The following CCDC63 variants were observed in gnomAD, a reference collection of about 807,000 sequenced individuals.
The protein encoded by CCDC63 is coiled-coil domain-containing protein 63.
Under a neutral mutation model 63.6 loss-of-function variants are expected in CCDC63, and 54 were observed. The ratio of observed to expected loss-of-function variants is 0.85; its 90% CI spans 0.68 to 1.07. The LOEUF (loss-of-function observed/expected upper bound fraction) is 1.07. Ranked by LOEUF, CCDC63 falls within the 50% of genes least tolerant of loss-of-function variation. The pLI, the probability that CCDC63 is intolerant of heterozygous loss-of-function variation, is 0.00. For synonymous variants in CCDC63, 253 were observed against 266.1 expected, an observed-to-expected ratio of 0.95 and a Z score of 0.48; for missense variants, 637 against 689.6, an observed-to-expected ratio of 0.92 and a Z score of 0.86.
Position 110,907,304 on chromosome 12 carries a change from C to T in CCDC63, c.1547-27C>T, listed in dbSNP as rs1240071139. ...CAGCCCTGGGGTTGATTTCCCAGCACCTCACACAAATCTGATCTTGGTGCA... is the reference window on the plus strand; with the variant it reads ...CAGCCCTGGGGTTGATTTCCCAGCATCTCACACAAATCTGATCTTGGTGCA... On this transcript the variant is annotated intron_variant, in intron 11 of 11. Coordinates refer to ENST00000308208, the MANE Select transcript of CCDC63 (RefSeq NM_152591.3). The surrounding 1 kb of genome is among the most constrained non-coding windows in gnomAD (Gnocchi z 4.4). 2 of 1,607,628 alleles carry T rather than the reference C, an allele frequency of 1.2e-6. No individual in the cohort carries two copies. Among genetic ancestry groups the T allele is most frequent in the Admixed American group, 1.7e-5 (1 of 59,772 alleles).
At chr12:110,857,404 C>G (rs2070788011) in intron 3 of CCDC63, among the ~76,000 whole-genome samples, 1 of 149,234 alleles carries the variant, frequency 6.7e-6, no homozygotes, top group African/African-American at 2.5e-5. Context: ...GGATTACAGG[C>G]ATAAGCCACT....
At chr12:110,896,863 G>C (rs1273110295) in intron 9 of CCDC63, among the ~76,000 whole-genome samples, 1 of 152,186 alleles carries the variant, frequency 6.6e-6, no homozygotes, top group African/African-American at 2.4e-5. Flanking sequence ...CTGTGCACCA[G>C]GATCACCGGG....
rs1471530897 is a variant in CCDC63 at position 110,853,481 on chromosome 12, C to T, written c.86C>T (p.Ala29Val). The T allele has an allele frequency of 8.7e-6, 14 of 1,614,062 alleles. No homozygotes were observed. The highest frequency in any genetic ancestry group is 1.0e-5 in the Non-Finnish European group (12 of 1,180,040). Residue 29 changes from alanine to valine, a missense_variant, in exon 3 of 12, where the codon GCA (alanine) becomes GTA (valine). By Grantham distance (64) the Ala-to-Val change is moderately conservative. Coordinates refer to ENST00000308208, the MANE Select transcript of CCDC63 (RefSeq NM_152591.3). ...AAGGCCAAAGAGCAGCAGGCGGAGG[C>T]AGAGCTCCGGAAGCTAAGGCAGCAG... Reference protein sequence around the residue: ...SEKAKEQQAEAELRKLRQQFR... With the variant: ...SEKAKEQQAEVELRKLRQQFR...
At chr12:110,874,427 C>T (rs894778945) in intron 5 of CCDC63, among the ~76,000 whole-genome samples, 1 of 152,156 alleles carries the variant, frequency 6.6e-6, no homozygotes, top group African/African-American at 2.4e-5. Flanking sequence ...TCTACAGTGA[C>T]TTTTGCATTA....
chr12:110,855,576 A>G (rs982307566), intron 3 of CCDC63, among the ~76,000 whole-genome samples: 1 of 151,950 alleles, frequency 6.6e-6, no homozygotes, highest in East Asian at 1.9e-4. Context: ...TTAGGTTCTT[A>G]TTATTTTATT....
chr12:110,868,035 G>A (rs1298734601), intron 4 of CCDC63, among the ~76,000 whole-genome samples: 11 of 145,306 alleles, frequency 7.6e-5, no homozygotes, highest in Non-Finnish European at 1.4e-4. Context: ...GGGCAGAGAC[G>A]CTCCTCACCT....
At position 110,858,607 on chromosome 12, in the gene CCDC63, G is replaced by A; in HGVS notation, c.201G>A (p.Lys67=). ...ACAGCAAGGAGATCAAGACCCTGAAGACAGAGCAGGATGAGATCACCCTAC... is the reference window on the plus strand; with the variant it reads ...ACAGCAAGGAGATCAAGACCCTGAAAACAGAGCAGGATGAGATCACCCTAC... ...ASQYKEIKTL[K]TEQDEITLLL... The change falls in exon 4 of 12, where the codon AAG becomes AAA. Residue 67 remains lysine, a synonymous_variant. Transcript: ENST00000308208. 2 of 1,613,220 alleles carry A rather than the reference G, an allele frequency of 1.2e-6. No individual in the cohort carries two copies. Among genetic ancestry groups the A allele is most frequent in the Non-Finnish European group, 8.5e-7 (1 of 1,179,626 alleles).
At chr12:110,905,036 T>C (rs1305141973) in intron 11 of CCDC63, among the ~76,000 whole-genome samples, 1 of 152,126 alleles carries the variant, frequency 6.6e-6, no homozygotes, top group Non-Finnish European at 1.5e-5. Flanking sequence ...TTTAGTTATT[T>C]TGGATATTTT....
chr12:110,853,447 C>G lies in CCDC63; in HGVS notation c.52C>G (p.Pro18Ala). The change falls in exon 3 of 12, where the codon CCT becomes GCT. Residue 18 changes from proline (P) to alanine (A), a missense_variant. Transcript: ENST00000308208. The stretch of plus-strand genomic sequence containing the variant: ...AAAAGACTCCGACACTCCCCAGGAA[C>G]CTTCGGAGAAGGCCAAAGAGCAGCA... ...RRKDSDTPQE[P>A]SEKAKEQQAE... is the part of the protein sequence containing the mutation. 6.2e-7 allele frequency: 1 copy of G among 1,613,996 alleles called. No individual in the cohort carries two copies. The highest frequency in any genetic ancestry group is 8.5e-7 in the Non-Finnish European group (1 of 1,180,002).
At chr12:110,857,475 C>T (rs1234429558) in intron 3 of CCDC63, among the ~76,000 whole-genome samples, 1 of 152,148 alleles carries the variant, frequency 6.6e-6, no homozygotes, top group Non-Finnish European at 1.5e-5. Context: ...ACTTTTGAAG[C>T]ATCTGGACAC....
At position 110,863,263 on chromosome 12, in the gene CCDC63, C is replaced by T. The variant is rs887045365; in HGVS notation, c.369+4488C>T. Among the ~76,000 whole-genome samples, 10 of 149,218 alleles carry T rather than the reference C, an allele frequency of 6.7e-5. 1 individual carries two copies. The highest frequency in any genetic ancestry group is 2.0e-4 in the African/African-American group (8 of 40,672). ...TTAGTCTCGCTTTGAGTGACACACA[C>T]GTGTGTGTGTGTGTGTGTGTGTGTT... On this transcript the variant is annotated intron_variant, in intron 4 of 11. Coordinates refer to ENST00000308208, the MANE Select transcript of CCDC63 (RefSeq NM_152591.3).
At chr12:110,860,804 G>C (rs1381559899) in intron 4 of CCDC63, among the ~76,000 whole-genome samples, 1 of 152,164 alleles carries the variant, frequency 6.6e-6, no homozygotes, top group East Asian at 1.9e-4. Context: ...GCCCAGGCTG[G>C]TCTCGAACTC....
rs908726919 is a variant in CCDC63, at chr12:110,847,103, C to T, written c.-99C>T. The T allele has an allele frequency of 2.6e-5, 4 of 152,286 alleles. No individual in the cohort carries two copies. The highest frequency in any genetic ancestry group is 5.9e-5 in the Non-Finnish European group (4 of 68,086). 9.4% of individuals were successfully genotyped at this position (152,286 alleles called of 1,614,324 possible). On this transcript the variant is annotated splice_region_variant and 5_prime_UTR_variant, in exon 1 of 12. Coordinates refer to ENST00000308208, the MANE Select transcript of CCDC63 (RefSeq NM_152591.3). ...CGGACAAGCAGTCCGGGCCCCGCCACTGGTAAGTTTCGCCGCCCGCCCGGC... is the reference window on the plus strand; with the variant it reads ...CGGACAAGCAGTCCGGGCCCCGCCATTGGTAAGTTTCGCCGCCCGCCCGGC...
rs183041123 is a variant in CCDC63, at chr12:110,889,770, C to T, written c.1075-3306C>T. 9.5e-4 allele frequency among the ~76,000 whole-genome samples: 144 copies of T among 152,268 alleles called. 1 individual carries two copies. Among genetic ancestry groups the T allele is most frequent in the Admixed American group, 8.0e-3 (122 of 15,292 alleles). On this transcript the variant is annotated intron_variant, in intron 8 of 11. Coordinates refer to ENST00000308208, the MANE Select transcript of CCDC63 (RefSeq NM_152591.3). This position sits in a 1 kb window ranked among gnomAD's most constrained non-coding sequence, Gnocchi z 4.1. ...AATAGTAAAAAGTCTCAATGTGAAT[C>T]CCATCACCTGGATATGGCATTGGTT...
At position 110,884,101 on chromosome 12, in the gene CCDC63, C is replaced by T. The variant is rs116780136; in HGVS notation, c.925C>T (p.Arg309Trp). ...TGAGAGCTATGAGGTGGCCCACCTC[C>T]GGCTGCTGAAGCTGGCTGAGAGTGG... ...SFESYEVAHLRLLKLAESGNL... is the reference protein window; with the variant it reads ...SFESYEVAHLWLLKLAESGNL... Residue 309 changes from arginine (R) to tryptophan (W), a missense_variant, in exon 8 of 12, where the codon CGG (arginine) becomes TGG (tryptophan). Arg to Trp is a moderately radical substitution (Grantham distance 101). Transcript: ENST00000308208. The T allele has an allele frequency of 5.0e-4, 813 of 1,614,108 alleles. 4 individuals carry two copies. The African/African-American group carries it at 7.6e-3, about 15-fold the overall frequency.
intron 8 of CCDC63, among the ~76,000 whole-genome samples, chr12:110,888,190 T>A (rs774588904): frequency 2.0e-5 from 3 of 151,998 alleles, no homozygotes; most frequent in Non-Finnish European, 4.4e-5. Context: ...GTCACCACTG[T>A]CCTCTGGCGT....
chr12:110,864,033 C>T (rs2070901830), intron 4 of CCDC63, among the ~76,000 whole-genome samples: 1 of 152,242 alleles, frequency 6.6e-6, no homozygotes, highest in Admixed American at 6.5e-5. Context: ...GAGAGTATTT[C>T]ACAAAATCCC....
intron 8 of CCDC63, among the ~76,000 whole-genome samples, chr12:110,891,938 C>T (rs887112522): frequency 6.6e-6 from 1 of 152,128 alleles, no homozygotes; most frequent in Non-Finnish European, 1.5e-5. Flanking sequence ...TGAGATTGGT[C>T]GGTCGAAAGG....
chr12:110,880,178 C>A, intron 6 of CCDC63, 91 bp downstream of exon 6: 1 of 1,113,902 alleles, frequency 9.0e-7, no homozygotes, highest in Non-Finnish European at 1.3e-6. Flanking sequence ...TGTCCCTGGT[C>A]GTTATGTGTT....
Sources: gnomAD v4.1 joint callset for allele counts (sites outside exome capture counted in the v4.1 genomes callset) on GRCh38, gnomAD v4.1.1 for gene constraint, Gnocchi (gnomAD v3.1) non-coding constraint, MANE v1.5 for transcripts, NCBI Gene and HGNC (gene_info 2026-07-23, HGNC 2026-07-21) for gene names.